PSG11: variants seen among roughly 807,000 people sequenced by gnomAD.
PSG11 encodes pregnancy specific beta-1-glycoprotein 11.
In PSG11, 42 loss-of-function variants were observed where a neutral mutation model predicts 36.0. That is an observed-to-expected ratio of 1.17 (90% CI 0.91 to 1.51). The LOEUF (loss-of-function observed/expected upper bound fraction) is 1.51, where lower values mean the gene tolerates loss of function less well. Ranked by LOEUF, PSG11 falls within the 40% of genes most tolerant of loss-of-function variation. PSG11 has a pLI of 0.00. For missense variants in PSG11, 558 were observed against 403.5 expected (o/e 1.38, Z -3.28); for synonymous variants, 206 against 153.5 (o/e 1.34, Z -2.53).
At position 43,024,684 on chromosome 19, in the gene PSG11, C is replaced by T. The variant is rs767995300; in HGVS notation, c.430+7G>A. On this transcript the variant is annotated splice_region_variant and intron_variant, in intron 2 of 5. Transcript: ENST00000320078. ...CCAACACCCAGGGATCATGTGGAAT[C>T]ACTTACGGTATAAGGTGAAGGTGAA... The T allele has an allele frequency of 2.5e-6, 4 of 1,609,734 alleles. 1 individual carries two copies. Among genetic ancestry groups the T allele is most frequent in the Admixed American group, 3.3e-5 (2 of 59,790 alleles).
In PSG11 at chr19:43,018,671, G is replaced by C. The variant is rs1449791424; in HGVS notation, c.709+99C>G. ...CCAGCTTTGATGTCCAGTGGTAAAGGTCTCTGTACTTGGACCTGAGAGGGA... is the reference window on the plus strand; with the variant it reads ...CCAGCTTTGATGTCCAGTGGTAAAGCTCTCTGTACTTGGACCTGAGAGGGA... On this transcript the variant is annotated intron_variant, in intron 3 of 5. Coordinates refer to ENST00000320078, the MANE Select transcript of PSG11 (RefSeq NM_002785.3). 2.5e-6 allele frequency: 4 copies of C among 1,605,210 alleles called. No homozygotes were observed. In the East Asian group the frequency reaches 9.0e-5, roughly 36 times the overall value.
Position 43,026,413 on chromosome 19 carries a change from C to A in PSG11, c.-41G>T. 1 of 1,603,460 alleles carries A rather than the reference C, an allele frequency of 6.2e-7. No homozygotes were observed. The highest frequency in any genetic ancestry group is 2.3e-5 in the East Asian group (1 of 44,322). The stretch of plus-strand genomic sequence containing the variant: ...CATGTTCTCCTCTGTGGAGATGAGC[C>A]TAGGATCCAGAAGCTTCCAGAGCAC... On this transcript the variant is annotated 5_prime_UTR_variant, in exon 1 of 6. The change creates a new upstream start codon in the 5' untranslated region. Transcript: ENST00000320078.
intron 3 of PSG11, among the ~76,000 whole-genome samples, chr19:43,017,801 T>A (rs1468118406): frequency 6.6e-6 from 1 of 151,602 alleles, no homozygotes; most frequent in African/African-American, 2.4e-5. Context: ...TGTTTTGTAG[T>A]TTTCAAGGTA....
chr19:43,022,095 T>G (rs1221532195), intron 2 of PSG11, among the ~76,000 whole-genome samples: 2 of 151,516 alleles, frequency 1.3e-5, no homozygotes, highest in East Asian at 1.9e-4. Context: ...GGACTGCCTT[T>G]GTCAAACTAG....
chr19:43,016,134 T>A (rs1216909405), intron 3 of PSG11: 9 of 1,516,118 alleles, frequency 5.9e-6, no homozygotes, highest in East Asian at 2.3e-5. Context: ...ATCTCCCACC[T>A]CTCAGCCCAC....
At chr19:43,014,755 G>C (rs1966915163) in intron 4 of PSG11, 1 of 1,231,122 alleles carries the variant, frequency 8.1e-7, no homozygotes, top group Non-Finnish European at 1.1e-6. Flanking sequence ...TCATGGAAGA[G>C]GTACAAGAAA....
Position 43,007,702 on chromosome 19 carries a change from T to C in PSG11, c.*381A>G, listed in dbSNP as rs13546. 7,201 of 182,034 alleles carry C rather than the reference T, an allele frequency of 0.04. 791 individuals are homozygous for C. The highest frequency in any genetic ancestry group is 0.16 in the African/African-American group (6,652 of 42,450). The allele number at this position is 182,034 out of a possible 1,614,324, so 11.3% of individuals were successfully genotyped here. A position where few individuals can be genotyped will look rare whatever the true frequency, so the allele number is the denominator to read the frequency against. The stretch of plus-strand genomic sequence containing the variant: ...ATTACCATAAACATATGAATATTCA[T>C]GAATAGATTCCCAATTCTGGGGCAC... On this transcript the variant is annotated 3_prime_UTR_variant, in exon 6 of 6. Transcript: ENST00000320078.
Position 43,012,224 on chromosome 19 carries a change from T to C in PSG11, c.965-2183A>G, listed in dbSNP as rs143948168. Among the ~76,000 whole-genome samples the C allele has an allele frequency of 2.9e-3, 435 of 151,536 alleles. 8 individuals are homozygous for C. The highest frequency in any genetic ancestry group is 6.8e-3 in the Middle Eastern group (2 of 292). On this transcript the variant is annotated intron_variant, in intron 4 of 5. Transcript: ENST00000320078. ...ATGGAGAAAGACTGAAAGCTTCCCC[T>C]CTATGAGCAGGAACAAGACAAGGAT...
At position 43,019,010 on chromosome 19, in the gene PSG11, T is replaced by A; in HGVS notation, c.469A>T (p.Asn157Tyr). The A allele has an allele frequency of 3.1e-6, 5 of 1,611,944 alleles. No individual in the cohort carries two copies. The highest frequency in any genetic ancestry group is 3.4e-6 in the Non-Finnish European group (4 of 1,179,080). The part of the protein sequence containing the change: ...PKPSISSSNL[N>Y]PREAMETVIL... Reference sequence around the variant, plus strand: ...ACAGTCTCCATGGCCTCCCTGGGGTTTAAGTTGCTGCTGGAGATGGAGGGC... The same window carrying A: ...ACAGTCTCCATGGCCTCCCTGGGGTATAAGTTGCTGCTGGAGATGGAGGGC... Residue 157 changes from asparagine (N) to tyrosine (Y), a missense_variant, in exon 3 of 6, where the codon AAC (asparagine) becomes TAC (tyrosine). By Grantham distance (143) the Asn-to-Tyr change is moderately radical. Transcript: ENST00000320078.
chr19:43,022,707 C>T (rs1355101889), intron 2 of PSG11, among the ~76,000 whole-genome samples: 2 of 151,324 alleles, frequency 1.3e-5, no homozygotes, highest in East Asian at 3.9e-4. Flanking sequence ...GTCCACAGGT[C>T]AGCCTCACAA....
chr19:43,010,890 CAT>C (rs10566441), intron 4 of PSG11, among the ~76,000 whole-genome samples: 32,650 of 140,142 alleles, frequency 0.23, 4,927 homozygotes, highest in East Asian at 0.82. Context: ...CCTCTTTTTC[CAT>C]ATATATATAT....
intron 2 of PSG11, chr19:43,019,848 T>G (rs1967061060): frequency 6.6e-6 from 1 of 151,528 alleles, no homozygotes; most frequent in Non-Finnish European, 1.5e-5. Context: ...GAAATACATG[T>G]GGATGTTTGC....
chr19:43,023,416 A>G (rs1196836301), intron 2 of PSG11, among the ~76,000 whole-genome samples: 1 of 150,882 alleles, frequency 6.6e-6, no homozygotes, highest in African/African-American at 2.5e-5. Flanking sequence ...TGATCCTCTC[A>G]TGACAGTGAC....
intron 3 of PSG11, among the ~76,000 whole-genome samples, chr19:43,018,004 C>G (rs1022708266): frequency 4.0e-5 from 6 of 151,050 alleles, no homozygotes; most frequent in Non-Finnish European, 8.8e-5. Context: ...TATTCCCTGT[C>G]CTGGGTTTTT....
At chr19:43,011,693 A>G (rs1395127533) in intron 4 of PSG11, among the ~76,000 whole-genome samples, 4 of 151,144 alleles carry the variant, frequency 2.6e-5, no homozygotes, top group Non-Finnish European at 4.4e-5. Context: ...TTTGACCAGC[A>G]TAGGTAACCT....
At position 43,024,992 on chromosome 19, in the gene PSG11, G is replaced by C; in HGVS notation, c.129C>G (p.Pro43=). ...GAACATCCTTCCCCTCGGACACTTT[G>C]GGTGGCTGGGCTTCAATCATGACTT... is the stretch of plus-strand genomic sequence containing the variant. ...TAQVMIEAQP[P]KVSEGKDVLL... Residue 43 remains proline (P), a synonymous_variant, in exon 2 of 6, where the codon CCC becomes CCG. Transcript: ENST00000320078. 1 of 1,611,200 alleles carries C rather than the reference G, an allele frequency of 6.2e-7. No homozygotes were observed. The highest frequency in any genetic ancestry group is 1.3e-5 in the African/African-American group (1 of 74,366).
chr19:43,015,937 C>G, intron 3 of PSG11: 2 of 1,610,022 alleles, frequency 1.2e-6, no homozygotes, highest in Non-Finnish European at 8.5e-7. Flanking sequence ...ATTTAGCCAC[C>G]AAATGTAGGC....
chr19:43,016,587 T>G lies in PSG11; in HGVS notation c.710-1217A>C, dbSNP rs1288019157. Among the ~76,000 whole-genome samples, 4 of 151,006 alleles carry G rather than the reference T, an allele frequency of 2.6e-5. No homozygotes were observed. The East Asian group carries it at 7.8e-4, about 29-fold the overall frequency. On this transcript the variant is annotated intron_variant, in intron 3 of 5. Coordinates refer to ENST00000320078, the MANE Select transcript of PSG11 (RefSeq NM_002785.3). ...AGAAATAACACAGGGGAGACCAGAG[T>G]CAAGCCTGGAGGTCAGTTCAGTCAT...
intron 2 of PSG11, among the ~76,000 whole-genome samples, chr19:43,023,365 G>A (rs1202456801): frequency 1.3e-5 from 2 of 150,878 alleles, no homozygotes; most frequent in Admixed American, 6.6e-5. Flanking sequence ...GCCTGTGCTG[G>A]TGTAGGGAGT....
Sources: allele counts gnomAD v4.1 joint callset (sites outside exome capture counted in the v4.1 genomes callset), GRCh38; gene constraint gnomAD v4.1.1; transcripts MANE v1.5; gene names NCBI Gene and HGNC (gene_info 2026-07-23, HGNC 2026-07-21).